Variants in BTK observed in about 807,000 individuals in gnomAD.
BTK encodes the protein Bruton tyrosine kinase.
BTK carries 5 observed loss-of-function variants against 57.4 expected under a neutral mutation model. That is an observed-to-expected ratio of 0.09 (90% CI 0.05 to 0.18). BTK has a LOEUF of 0.18. BTK is among the 10% of genes least tolerant of loss of function. The pLI is 1.00. For missense variants in BTK, 194 were observed against 501.2 expected (o/e 0.39, Z 5.85); for synonymous variants, 154 against 174.3 (o/e 0.88, Z 0.92).
chrX:101,353,163 A>T lies in BTK; in HGVS notation c.1908+31T>A, dbSNP rs1926351339. ...TAAATGGGCAAGTAGATTCAAGGAAATAATTTAAGAGATCCTAATAAAGCA... is the reference window on the plus strand; with the variant it reads ...TAAATGGGCAAGTAGATTCAAGGAATTAATTTAAGAGATCCTAATAAAGCA... On this transcript the variant is annotated intron_variant, in intron 18 of 18. Coordinates refer to ENST00000308731, the MANE Select transcript of BTK (RefSeq NM_000061.3). 5.0e-6 allele frequency: 6 copies of T among 1,198,198 alleles called. No homozygotes were observed. The South Asian group carries it at 1.1e-4, about 21-fold the overall frequency.
intron 1 of BTK, among the ~76,000 whole-genome samples, chrX:101,382,574 G>T (rs1555981931): frequency 1.8e-5 from 2 of 110,576 alleles, no homozygotes; most frequent in Non-Finnish European, 3.8e-5. Flanking sequence ...TTTCTTCTGT[G>T]GTTTTGGAAA....
chrX:101,389,989 A>G (rs1317995979), upstream of BTK, among the ~76,000 whole-genome samples: 1 of 111,848 alleles, frequency 8.9e-6, no homozygotes, highest in Non-Finnish European at 1.9e-5. Flanking sequence ...CCAGGCCACA[A>G]CAGCAATATT....
At chrX:101,364,984 C>T (rs1357273396) in intron 5 of BTK, among the ~76,000 whole-genome samples, 1 of 111,247 alleles carries the variant, frequency 9.0e-6, no homozygotes, top group African/African-American at 3.3e-5. Context: ...TCGTGATTCA[C>T]CCGCCCCCCA....
intron 1 of BTK, among the ~76,000 whole-genome samples, chrX:101,385,738 C>T (rs1271677574): frequency 8.9e-6 from 1 of 112,569 alleles, no homozygotes; most frequent in African/African-American, 3.2e-5. Flanking sequence ...TTTTATCTGA[C>T]TGCTCCCTGC....
chrX:101,364,874 T>A (rs1926799851), intron 5 of BTK, among the ~76,000 whole-genome samples: 1 of 110,794 alleles, frequency 9.0e-6, no homozygotes, highest in African/African-American at 3.3e-5. Context: ...CCCGAGTAGC[T>A]GGGACTACAG....
chrX:101,375,258 G>A lies in BTK; in HGVS notation c.27C>T (p.Ile9=). The A allele has an allele frequency of 8.3e-7, 1 of 1,211,921 alleles. No homozygotes were observed. The highest frequency in any genetic ancestry group is 1.1e-6 in the Non-Finnish European group (1 of 895,540). The change falls in exon 2 of 19, where the codon ATC becomes ATT. Residue 9 remains isoleucine (I), a synonymous_variant. Transcript: ENST00000308731. ...TTTTCTGTTGGGATCGCTTCAGAAAGATGCTCTCCAGAATCACTGCGGCCA... is the reference window on the plus strand; with the variant it reads ...TTTTCTGTTGGGATCGCTTCAGAAAAATGCTCTCCAGAATCACTGCGGCCA... MAAVILES[I]FLKRSQQKKK... is the part of the protein sequence containing the mutation.
chrX:101,359,654 T>A (rs1341904731), intron 9 of BTK, among the ~76,000 whole-genome samples: 1 of 110,086 alleles, frequency 9.1e-6, no homozygotes, highest in East Asian at 2.9e-4. Flanking sequence ...AGTAGCAGTT[T>A]GACATTTTAA....
chrX:101,370,157 G>A (rs1228111044), intron 4 of BTK, 78 bp from the exon 5 acceptor site: 1 of 781,360 alleles, frequency 1.3e-6, no homozygotes, highest in Non-Finnish European at 2.0e-6. Context: ...CTAATCTTAG[G>A]GGACAATTTG....
chrX:101,356,877 C>T lies in BTK; in HGVS notation c.1256G>A (p.Gly419Glu), dbSNP rs1305768982. 1 of 1,209,927 alleles carries T rather than the reference C, an allele frequency of 8.3e-7. No homozygotes were observed. The highest frequency in any genetic ancestry group is 1.7e-5 in the African/African-American group (1 of 57,162). Reference sequence around the variant, plus strand: ...CACGTCGTACTGGCCTCTCCATTTCCCATACTTCACTACCCCAAATTGTCC... The same window carrying T: ...CACGTCGTACTGGCCTCTCCATTTCTCATACTTCACTACCCCAAATTGTCC... ...GTGQFGVVKY[G>E]KWRGQYDVAI... Residue 419 changes from glycine (G) to glutamate (E), a missense_variant, in exon 14 of 19, where the codon GGG becomes GAG. Gly to Glu is a moderately conservative substitution (Grantham distance 98). Around this residue, in one of 3 missense-constraint regions of BTK, gnomAD observed 79 missense variants for 217.7 expected, o/e 0.36. Transcript: ENST00000308731.
chrX:101,373,816 C>A (rs782798115), intron 3 of BTK, among the ~76,000 whole-genome samples: 1 of 111,142 alleles, frequency 9.0e-6, no homozygotes, highest in Non-Finnish European at 1.9e-5. Context: ...CCGAGACAGG[C>A]GGATCACTTG....
At chrX:101,350,844 C>G (rs1179554105) in intron 18 of BTK, among the ~76,000 whole-genome samples, 2 of 112,005 alleles carry the variant, frequency 1.8e-5, no homozygotes, top group Non-Finnish European at 3.8e-5. Context: ...TGCTCTCAAT[C>G]TGTTAGAACC....
At chrX:101,368,301 A>G (rs1457655056) in intron 5 of BTK, among the ~76,000 whole-genome samples, 4 of 112,792 alleles carry the variant, frequency 3.5e-5, no homozygotes, top group Non-Finnish European at 7.5e-5. Flanking sequence ...AAAATATGCC[A>G]AGAACTGAAC....
rs782697510 is a variant in BTK at position 101,367,212 on chromosome X, C to T, written c.391+2786G>A. ...TGAGCCAACATCACGTCACTCTACT[C>T]CAGCCTGGGCAACAGAGTGAGACTC... On this transcript the variant is annotated intron_variant, in intron 5 of 18. Transcript: ENST00000308731. Among the ~76,000 whole-genome samples the T allele has an allele frequency of 2.8e-5, 3 of 106,006 alleles. No homozygotes were observed. The East Asian group carries it at 8.9e-4, about 31-fold the overall frequency. The allele number at this position is 106,006 out of a possible 115,157, so 92.1% of individuals were successfully genotyped here. A position where few individuals can be genotyped will look rare whatever the true frequency, so the allele number is the denominator to read the frequency against.
chrX:101,389,257 T>C, upstream of BTK, among the ~76,000 whole-genome samples: 1 of 111,192 alleles, frequency 9.0e-6, no homozygotes, highest in East Asian at 2.8e-4. Context: ...TTTTTGTCAA[T>C]TAAATATTTT....
In BTK at chrX:101,370,087, G is replaced by A. The variant is rs150930053; in HGVS notation, c.310-8C>T. Reference sequence around the variant, plus strand: ...CCCTTCATCATATACAACCTGGGTCGATGAAAACACAGACTTCAGCAGTTA... The same window carrying A: ...CCCTTCATCATATACAACCTGGGTCAATGAAAACACAGACTTCAGCAGTTA... On this transcript the variant is annotated splice_region_variant and splice_polypyrimidine_tract_variant and intron_variant, in intron 4 of 18. Transcript: ENST00000308731. The A allele has an allele frequency of 1.2e-4, 144 of 1,188,258 alleles. No individual in the cohort carries two copies. The East Asian group carries it at 3.5e-3, about 29-fold the overall frequency.
chrX:101,386,754 G>T (rs1555982517), upstream of BTK, among the ~76,000 whole-genome samples: 1 of 111,911 alleles, frequency 8.9e-6, no homozygotes, highest in Non-Finnish European at 1.9e-5. Context: ...AGATAAAAAT[G>T]TCGGAATATA....
intron 1 of BTK, among the ~76,000 whole-genome samples, chrX:101,379,381 G>T (rs1249802430): frequency 1.8e-5 from 2 of 111,467 alleles, no homozygotes; most frequent in Non-Finnish European, 3.8e-5. Context: ...TGGCTAGGAA[G>T]ATTCTGGCCA....
chrX:101,354,722 C>T, intron 15 of BTK, 28 bp from the exon 16 acceptor site: 1 of 1,193,961 alleles, frequency 8.4e-7, no homozygotes. Flanking sequence ...ACCAGTGAGA[C>T]TCCGTCCCCA....
At position 101,362,189 on chromosome X, in the gene BTK, G is replaced by T; in HGVS notation, c.572C>A (p.Thr191Lys). The T allele has an allele frequency of 8.3e-7, 1 of 1,211,712 alleles. No homozygotes were observed. Among genetic ancestry groups the T allele is most frequent in the Non-Finnish European group, 1.1e-6 (1 of 895,388 alleles). ...HRKTKKPLPP[T>K]PEEDQILKKP... is the part of the protein sequence containing the mutation. ...CCTGTATACCTGGTCCTCCTCAGGC[G>T]TTGGGGGAAGAGGCTTTTTTGTCTT... The change falls in exon 7 of 19, where the codon ACG (threonine) becomes AAG (lysine). Residue 191 changes from threonine to lysine, a missense_variant. Around this residue, in one of 3 missense-constraint regions of BTK, gnomAD observed 115 missense variants for 258.3 expected, o/e 0.45. Transcript: ENST00000308731.
Sources: allele counts gnomAD v4.1 joint callset (sites outside exome capture counted in the v4.1 genomes callset), GRCh38; gene constraint gnomAD v4.1.1; regional missense constraint gnomAD v4.1.1; transcripts MANE v1.5; gene names NCBI Gene and HGNC (gene_info 2026-07-23, HGNC 2026-07-21).